UGGT2: variants seen among roughly 807,000 people sequenced by gnomAD.
UGGT2 encodes the protein UDP-glucose glycoprotein glucosyltransferase 2, also known as UDP-glucose:glycoprotein glucosyltransferase 2.
UGGT2 carries 180 observed loss-of-function variants against 192.1 expected under a neutral mutation model. That is an observed-to-expected ratio of 0.94 (90% confidence interval 0.83 to 1.06). UGGT2 has a LOEUF of 1.06. Ranked by LOEUF, UGGT2 falls within the 50% of genes least tolerant of loss-of-function variation. The probability of loss-of-function intolerance (pLI) is 0.00; values close to 1 mark genes in which losing one functional copy is unlikely to be tolerated. For synonymous variants in UGGT2, 580 were observed against 591.0 expected (o/e 0.98, Z 0.27); for missense variants, 1,849 against 1,795.7 (o/e 1.03, Z -0.54).
chr13:96,006,874 T>C (rs962101581), intron 5 of UGGT2, among the ~76,000 whole-genome samples: 2 of 152,034 alleles, frequency 1.3e-5, no homozygotes, highest in Admixed American at 1.3e-4. Context: ...AGGACTGCCA[T>C]CCCCAGTCTT....
intron 27 of UGGT2, among the ~76,000 whole-genome samples, chr13:95,878,427 T>A (rs533149900): frequency 4.6e-5 from 7 of 151,948 alleles, no homozygotes; most frequent in Non-Finnish European, 7.4e-5. Context: ...TCTTCATAAA[T>A]TTTTTTTGTA....
chr13:95,862,491 G>A (rs1157408861), intron 31 of UGGT2, among the ~76,000 whole-genome samples: 1 of 152,044 alleles, frequency 6.6e-6, no homozygotes, highest in African/African-American at 2.4e-5. Flanking sequence ...GGTATTTTGG[G>A]GGGAATCATT....
In UGGT2 at chr13:96,053,162, C is replaced by G. The variant is rs1383175158; in HGVS notation, c.151G>C (p.Glu51Gln). The change falls in exon 1 of 39, where the codon GAG becomes CAG. Residue 51 changes from glutamate to glutamine, a missense_variant. By Grantham distance (29) the Glu-to-Gln change is conservative (BLOSUM62 2). Coordinates refer to ENST00000376747, the MANE Select transcript of UGGT2 (RefSeq NM_020121.4). ...AKWPETPLLL[E>Q]ASEFMAEESN... Reference sequence around the variant, plus strand: ...GGCCCGGCCCGCACCCACCTTGCCTCCAGCAGCAGCGGGGTCTCGGGCCAC... The same window carrying G: ...GGCCCGGCCCGCACCCACCTTGCCTGCAGCAGCAGCGGGGTCTCGGGCCAC... 2.6e-6 allele frequency: 4 copies of G among 1,512,184 alleles called. No individual in the cohort carries two copies. Among genetic ancestry groups the G allele is most frequent in the South Asian group, 2.4e-5 (2 of 81,684 alleles). The allele number at this position is 1,512,184 out of a possible 1,614,324, so 93.7% of individuals were successfully genotyped here. A position where few individuals can be genotyped will look rare whatever the true frequency, so the allele number is the denominator to read the frequency against.
At chr13:95,877,519 G>T in intron 28 of UGGT2, 155 bp from the exon 29 acceptor site, 1 of 992,478 alleles carries the variant, frequency 1.0e-6, no homozygotes, top group African/African-American at 1.6e-5. Context: ...ACAATAACCT[G>T]TCAAAAATTA....
chr13:95,909,544 T>A (rs1191089538), intron 20 of UGGT2, among the ~76,000 whole-genome samples: 1 of 132,996 alleles, frequency 7.5e-6, no homozygotes, highest in South Asian at 2.4e-4. Flanking sequence ...TAGGTGGGAA[T>A]TGAACAATGA....
chr13:95,981,888 G>A (rs1025296957), intron 10 of UGGT2, among the ~76,000 whole-genome samples: 11 of 152,170 alleles, frequency 7.2e-5, no homozygotes, highest in Non-Finnish European at 1.3e-4. Context: ...GGGTAACATG[G>A]ACTGCTAGTC....
intron 10 of UGGT2, among the ~76,000 whole-genome samples, chr13:95,976,061 T>C (rs192579493): frequency 6.6e-5 from 10 of 152,268 alleles, no homozygotes; most frequent in Admixed American, 4.6e-4. Context: ...TATTCCTGAC[T>C]GTATTTTTGC....
intron 36 of UGGT2, among the ~76,000 whole-genome samples, chr13:95,852,852 T>TGA (rs1011869131): frequency 6.6e-6 from 1 of 151,930 alleles, no homozygotes; most frequent in Non-Finnish European, 1.5e-5. Flanking sequence ...GTCTTAAAGA[T>TGA]GAGAGAGAGA....
chr13:96,032,677 C>G (rs2052873610), intron 1 of UGGT2, among the ~76,000 whole-genome samples: 1 of 152,156 alleles, frequency 6.6e-6, no homozygotes, highest in Non-Finnish European at 1.5e-5. Flanking sequence ...AACAAAACAG[C>G]CACCATACAC....
chr13:95,970,609 A>T (rs922264995), intron 11 of UGGT2, among the ~76,000 whole-genome samples: 2 of 152,190 alleles, frequency 1.3e-5, no homozygotes, highest in Non-Finnish European at 2.9e-5. Context: ...CTACTACAAA[A>T]ATAATGTAAG....
chr13:95,982,905 A>G (rs2051173045), intron 10 of UGGT2, among the ~76,000 whole-genome samples: 1 of 152,094 alleles, frequency 6.6e-6, no homozygotes, highest in African/African-American at 2.4e-5. Context: ...TCTCCAATGA[A>G]CTATGCATCT....
intron 36 of UGGT2, among the ~76,000 whole-genome samples, chr13:95,844,305 G>C (rs1888169463): frequency 1.3e-5 from 2 of 152,076 alleles, no homozygotes; most frequent in Non-Finnish European, 2.9e-5. Flanking sequence ...TTGAATTTTA[G>C]AATCAACTTC....
At chr13:95,846,300 C>A (rs1377285194) in intron 36 of UGGT2, among the ~76,000 whole-genome samples, 1 of 152,116 alleles carries the variant, frequency 6.6e-6, no homozygotes, top group African/African-American at 2.4e-5. Flanking sequence ...CAGCGCGCGC[C>A]TGCAATCCCA....
intron 38 of UGGT2, among the ~76,000 whole-genome samples, chr13:95,815,491 TCA>T (rs1230759598): frequency 1.3e-5 from 2 of 152,168 alleles, no homozygotes; most frequent in Non-Finnish European, 2.9e-5. Context: ...ATATTAGCAT[TCA>T]GTTATAAAAT....
chr13:96,052,332 G>A (rs1386077055), intron 1 of UGGT2, among the ~76,000 whole-genome samples: 1 of 152,184 alleles, frequency 6.6e-6, no homozygotes, highest in Non-Finnish European at 1.5e-5. Context: ...GTTGAGAAGG[G>A]AGTGAGGGAT....
At chr13:96,025,313 G>C (rs2139128567) in intron 2 of UGGT2, among the ~76,000 whole-genome samples, 1 of 152,316 alleles carries the variant, frequency 6.6e-6, no homozygotes, top group Non-Finnish European at 1.5e-5. Flanking sequence ...GAGAGTGCTT[G>C]AGAAGTAATA....
intron 38 of UGGT2, among the ~76,000 whole-genome samples, chr13:95,803,932 A>G (rs1884183154): frequency 6.6e-6 from 1 of 152,208 alleles, no homozygotes; most frequent in Non-Finnish European, 1.5e-5. Context: ...AAAGAACTAA[A>G]GCAATATTCA....
At chr13:95,942,051 T>A (rs529997798) in intron 15 of UGGT2, among the ~76,000 whole-genome samples, 1 of 152,368 alleles carries the variant, frequency 6.6e-6, no homozygotes, top group South Asian at 2.1e-4. Flanking sequence ...TTCTAATACA[T>A]CTATGCTCTT....
intron 20 of UGGT2, among the ~76,000 whole-genome samples, chr13:95,904,363 A>T (rs2048208501): frequency 6.6e-6 from 1 of 151,748 alleles, no homozygotes; most frequent in South Asian, 2.1e-4. Flanking sequence ...TTACATATGT[A>T]TACATGTGCC....
Sources: allele counts gnomAD v4.1 joint callset (sites outside exome capture counted in the v4.1 genomes callset), GRCh38; gene constraint gnomAD v4.1.1; transcripts MANE v1.5; gene names NCBI Gene and HGNC (gene_info 2026-07-23, HGNC 2026-07-21).